The following NTRK1 variants were observed in gnomAD, a reference collection of about 807,000 sequenced individuals.
The protein encoded by NTRK1 is high affinity nerve growth factor receptor.
In NTRK1, 62 loss-of-function variants were observed where a neutral mutation model predicts 86.8. The observed-to-expected ratio is 0.71, with a 90% CI of 0.58 to 0.88. The LOEUF (loss-of-function observed/expected upper bound fraction) is 0.88, where lower values mean the gene tolerates loss of function less well. Ranked by LOEUF, NTRK1 falls within the 40% of genes least tolerant of loss-of-function variation. NTRK1 has a pLI of 0.00. For synonymous variants in NTRK1, 469 were observed against 456.6 expected (o/e 1.03, Z -0.35); for missense variants, 967 against 1,078.4 (o/e 0.90, Z 1.45).
chr1:156,874,994 A>G lies in NTRK1; in HGVS notation c.1340A>G (p.Lys447Arg), dbSNP rs2102912391. ...LVLNKCGRRN[K>R]FGINRPAVLA... ...CTCAACAAATGTGGACGGAGAAACA[A>G]GTTTGGGATCAACCGTGAGTCGGGG... The change falls in exon 11 of 17, where the codon AAG becomes AGG. Residue 447 changes from lysine to arginine, a missense_variant. Physicochemically the swap from Lys to Arg is conservative, Grantham distance 26. Coordinates refer to ENST00000524377, the MANE Select transcript of NTRK1 (RefSeq NM_002529.4). 1 of 1,613,214 alleles carries G rather than the reference A, an allele frequency of 6.2e-7. No individual in the cohort carries two copies. The highest frequency in any genetic ancestry group is 8.5e-7 in the Non-Finnish European group (1 of 1,179,420).
chr1:156,827,188 T>C (rs1464649943), intron 1 of NTRK1, among the ~76,000 whole-genome samples: 3 of 49,870 alleles, frequency 6.0e-5, no homozygotes, highest in African/African-American at 3.5e-4. Context: ...GTGCAAGCAA[T>C]CCTCCACTTC....
At chr1:156,817,455 A>T (rs1404343104) in intron 1 of NTRK1, among the ~76,000 whole-genome samples, 10 of 151,594 alleles carry the variant, frequency 6.6e-5, no homozygotes, top group Non-Finnish European at 1.5e-5. Context: ...AATAATAATA[A>T]AGAAATCTAT....
At position 156,874,632 on chromosome 1, in the gene NTRK1, A is replaced by T; in HGVS notation, c.1251+6A>T. 6.2e-7 allele frequency: 1 copy of T among 1,612,978 alleles called. No homozygotes were observed. Among genetic ancestry groups the T allele is most frequent in the East Asian group, 2.2e-5 (1 of 44,844 alleles). The stretch of plus-strand genomic sequence containing the variant: ...AGGACGAAACACCTTTTGGGGTGAG[A>T]TAGGAAGTAGAAGCTTGTGCAGACT... On this transcript the variant is annotated splice_donor_region_variant and intron_variant, in intron 10 of 16. Coordinates refer to ENST00000524377, the MANE Select transcript of NTRK1 (RefSeq NM_002529.4).
intron 2 of NTRK1, among the ~76,000 whole-genome samples, chr1:156,850,967 AGAT>A (rs1655184461): frequency 1.3e-5 from 2 of 152,236 alleles, no homozygotes; most frequent in Non-Finnish European, 2.9e-5. Context: ...TGACAGGACC[AGAT>A]GATGACAATT....
At chr1:156,826,922 C>G (rs1028687411) in intron 1 of NTRK1, among the ~76,000 whole-genome samples, 1 of 152,152 alleles carries the variant, frequency 6.6e-6, no homozygotes, top group African/African-American at 2.4e-5. Flanking sequence ...TTTGTAGAGC[C>G]AAAGCATTAC....
exon 1 of NTRK1, chr1:156,815,770 C>A: frequency 6.2e-7 from 1 of 1,609,632 alleles, no homozygotes; most frequent in Non-Finnish European, 8.5e-7. Flanking sequence ...CATCTGCGGA[C>A]TCAGCCTGAG....
At position 156,876,160 on chromosome 1, in the gene NTRK1, G is replaced by T; in HGVS notation, c.1582G>T (p.Glu528Ter). The change falls in exon 13 of 17, where the codon GAG becomes TAG. Residue 528 changes from glutamate to a stop codon, truncating the protein, a stop_gained. Coordinates refer to ENST00000524377, the MANE Select transcript of NTRK1 (RefSeq NM_002529.4). LOFTEE classifies it high-confidence loss of function. ...CGCCTTTGGGAAGGTCTTCCTTGCT[G>T]AGTGCCACAACCTCCTGCCTGAGCA... ...EGAFGKVFLA[E>*]CHNLLPEQDK... 1 of 1,614,182 alleles carries T rather than the reference G, an allele frequency of 6.2e-7. No homozygotes were observed. The highest frequency in any genetic ancestry group is 8.5e-7 in the Non-Finnish European group (1 of 1,180,028).
chr1:156,830,508 A>C (rs1432038160), intron 1 of NTRK1, among the ~76,000 whole-genome samples: 4 of 151,276 alleles, frequency 2.6e-5, no homozygotes, highest in Non-Finnish European at 4.4e-5. Context: ...CTGTCTGGTA[A>C]ACGGGGGAAG....
In NTRK1 at chr1:156,874,995, G is replaced by A. The variant is rs936268492; in HGVS notation, c.1341G>A (p.Lys447=). 2 of 1,613,486 alleles carry A rather than the reference G, an allele frequency of 1.2e-6. No homozygotes were observed. Among genetic ancestry groups the A allele is most frequent in the Middle Eastern group, 1.7e-4 (1 of 6,058 alleles). ...LVLNKCGRRN[K]FGINRPAVLA... ...TCAACAAATGTGGACGGAGAAACAA[G>A]TTTGGGATCAACCGTGAGTCGGGGC... The change falls in exon 11 of 17, where the codon AAG becomes AAA. Residue 447 remains lysine (K), a synonymous_variant. Coordinates refer to ENST00000524377, the MANE Select transcript of NTRK1 (RefSeq NM_002529.4).
chr1:156,842,179 C>T lies in NTRK1; in HGVS notation c.36C>T (p.Asn12=), dbSNP rs745868240. The T allele has an allele frequency of 3.1e-6, 5 of 1,614,096 alleles. No individual in the cohort carries two copies. In the South Asian group the frequency reaches 5.5e-5, roughly 18 times the overall value. The change falls in exon 2 of 17, where the codon AAC becomes AAT. Residue 12 remains asparagine, a synonymous_variant. Coordinates refer to the NTRK1 transcript ENST00000392302. ...GGGCTGCTAGATCTCGGTGCACAAA[C>T]TTGTTGGCAGCAAGGTAGGCCATGC...
At chr1:156,849,510 T>TGGGGGGGGCGGGGGGG in intron 2 of NTRK1, 3 of 287,876 alleles carry the variant, frequency 1.0e-5, no homozygotes, top group East Asian at 8.2e-5. Context: ...GGGCAGGGGG[T>TGGGGGGGGCGGGGGGG]GGGAAAGGGG....
At chr1:156,830,589 C>T (rs2102841643) in intron 1 of NTRK1, among the ~76,000 whole-genome samples, 1 of 133,288 alleles carries the variant, frequency 7.5e-6, no homozygotes, top group Non-Finnish European at 1.5e-5. Flanking sequence ...CAGAGTCTCG[C>T]TCTGTTACCC....
intron 2 of NTRK1, chr1:156,844,972 G>A: frequency 6.5e-7 from 1 of 1,535,092 alleles, no homozygotes; most frequent in Non-Finnish European, 8.8e-7. Context: ...AGAGGGGCAA[G>A]CAAAGCGAGG....
At chr1:156,831,253 A>T (rs1654461919) in intron 1 of NTRK1, among the ~76,000 whole-genome samples, 1 of 152,102 alleles carries the variant, frequency 6.6e-6, no homozygotes, top group South Asian at 2.1e-4. Flanking sequence ...TGGAGGCGGG[A>T]TGGTCATTTG....
intron 4 of NTRK1, among the ~76,000 whole-genome samples, chr1:156,867,296 A>T (rs1655983680): frequency 6.6e-6 from 1 of 152,214 alleles, no homozygotes; most frequent in Admixed American, 6.5e-5. Flanking sequence ...TGAGTGGGGC[A>T]GCAGGGGTCC....
At chr1:156,849,424 T>A (rs74118779) in intron 2 of NTRK1, 2 of 1,611,912 alleles carry the variant, frequency 1.2e-6, no homozygotes, top group Non-Finnish European at 8.5e-7. Context: ...CTAGCTGTTG[T>A]AGGTTCTGGT....
At chr1:156,838,366 A>T (rs1350005339) in intron 1 of NTRK1, among the ~76,000 whole-genome samples, 1 of 144,710 alleles carries the variant, frequency 6.9e-6, no homozygotes, top group Non-Finnish European at 1.5e-5. Context: ...TCTCCCAGCC[A>T]GCTACAGGCT....
At chr1:156,826,552 G>T (rs1558075627) in intron 1 of NTRK1, among the ~76,000 whole-genome samples, 1 of 152,034 alleles carries the variant, frequency 6.6e-6, no homozygotes, top group East Asian at 1.9e-4. Flanking sequence ...GCCTCCCAAA[G>T]TGCTGGGATT....
chr1:156,874,637 A>G lies in NTRK1; in HGVS notation c.1251+11A>G, dbSNP rs2102910337. On this transcript the variant is annotated intron_variant, in intron 10 of 16. Coordinates refer to ENST00000524377, the MANE Select transcript of NTRK1 (RefSeq NM_002529.4). ...GAAACACCTTTTGGGGTGAGATAGG[A>G]AGTAGAAGCTTGTGCAGACTTTGGG... 1 of 1,612,330 alleles carries G rather than the reference A, an allele frequency of 6.2e-7. No homozygotes were observed. The highest frequency in any genetic ancestry group is 8.5e-7 in the Non-Finnish European group (1 of 1,179,080).
Sources: gnomAD v4.1 joint callset for allele counts (sites outside exome capture counted in the v4.1 genomes callset) on GRCh38, gnomAD v4.1.1 for gene constraint, MANE v1.5 for transcripts, NCBI Gene and HGNC (gene_info 2026-07-23, HGNC 2026-07-21) for gene names.